Variants in RMC1 observed in about 807,000 individuals in gnomAD.
The protein encoded by RMC1 is regulator of MON1-CCZ1 complex.
RMC1 carries 44 observed loss-of-function variants against 95.5 expected under a neutral mutation model. The observed-to-expected ratio is 0.46, with a 90% confidence interval of 0.36 to 0.59. The LOEUF (loss-of-function observed/expected upper bound fraction) is 0.59, where lower values mean the gene tolerates loss of function less well. Among genes scored for constraint, RMC1 ranks in the 20% least tolerant of loss-of-function variants. RMC1 has a pLI of 0.00. For missense variants in RMC1, 705 were observed against 819.6 expected (o/e 0.86, Z 1.71); for synonymous variants, 320 against 303.6 (o/e 1.05, Z -0.56).
intron 4 of RMC1, 25 bp from the exon 5 acceptor site, chr18:23,509,168 A>G: frequency 9.5e-7 from 1 of 1,052,250 alleles, no homozygotes; most frequent in Non-Finnish European, 1.3e-6. Flanking sequence ...ATTAATTAAA[A>G]ATATTTTTAA....
chr18:23,526,434 A>G (rs2058299740), intron 12 of RMC1, among the ~76,000 whole-genome samples: 1 of 152,144 alleles, frequency 6.6e-6, no homozygotes, highest in Admixed American at 6.5e-5. Flanking sequence ...TTGGGCTGTC[A>G]TCCTCCTGTG....
intron 10 of RMC1, among the ~76,000 whole-genome samples, chr18:23,520,663 C>G (rs747065092): frequency 6.6e-6 from 1 of 151,310 alleles, no homozygotes; most frequent in Non-Finnish European, 1.5e-5. Context: ...TTTGACAGAG[C>G]CTCACTTTGT....
At chr18:23,524,325 T>C (rs2058231264) in intron 11 of RMC1, 104 bp from the exon 12 acceptor site, 8 of 1,493,638 alleles carry the variant, frequency 5.4e-6, no homozygotes, top group Non-Finnish European at 7.5e-6. Flanking sequence ...GCCTCGCGTT[T>C]AGCGTGGACT....
Position 23,531,683 on chromosome 18 carries a change from A to C in RMC1, c.1953A>C (p.Leu651=). Residue 651 remains leucine, a synonymous_variant, in exon 20 of 20, where the codon CTA becomes CTC. Transcript: ENST00000269221. ...FFKQIFGDQA[L]MRPTTF ...AACAGATTTTTGGAGACCAAGCTCT[A>C]ATGAGGCCTACAACATTCTGAAATC... is the stretch of plus-strand genomic sequence containing the variant. 6.2e-7 allele frequency: 1 copy of C among 1,613,282 alleles called. No individual in the cohort carries two copies. Among genetic ancestry groups the C allele is most frequent in the Non-Finnish European group, 8.5e-7 (1 of 1,179,860 alleles).
intron 19 of RMC1, among the ~76,000 whole-genome samples, chr18:23,531,281 A>C (rs2058495319): frequency 6.6e-6 from 1 of 152,078 alleles, no homozygotes; most frequent in Non-Finnish European, 1.5e-5. Context: ...GAGCCACCGC[A>C]CCTGGCCCTG....
intron 10 of RMC1, 124 bp from the exon 11 acceptor site, chr18:23,524,006 C>T (rs1315253394): frequency 2.8e-6 from 3 of 1,090,620 alleles, no homozygotes; most frequent in East Asian, 4.8e-5. Flanking sequence ...TCATTTCTTC[C>T]TTGACTACAA....
intron 18 of RMC1, 44 bp downstream of exon 18, chr18:23,530,341 G>A (rs780658292): frequency 6.2e-7 from 1 of 1,613,992 alleles, no homozygotes; most frequent in Non-Finnish European, 8.5e-7. Flanking sequence ...AACTAACTCT[G>A]TTCCTGTTGT....
At chr18:23,516,140 C>G in intron 6 of RMC1, 144 bp downstream of exon 6, 1 of 1,360,136 alleles carries the variant, frequency 7.4e-7, no homozygotes, top group Non-Finnish European at 1.0e-6. Context: ...CTCTGTATAC[C>G]CGTCAGCTCC....
intron 10 of RMC1, among the ~76,000 whole-genome samples, chr18:23,520,726 G>A (rs1169687839): frequency 6.6e-6 from 1 of 151,976 alleles, no homozygotes; most frequent in Non-Finnish European, 1.5e-5. Context: ...ACCTCCACCT[G>A]TCTGTCACAA....
chr18:23,523,149 C>T (rs899800030), intron 10 of RMC1, among the ~76,000 whole-genome samples: 3 of 152,236 alleles, frequency 2.0e-5, no homozygotes, highest in Admixed American at 6.5e-5. Context: ...CAAAGCTTGT[C>T]TGCCTGGGCT....
intron 13 of RMC1, among the ~76,000 whole-genome samples, chr18:23,527,426 A>T (rs1209851606): frequency 6.6e-6 from 1 of 151,110 alleles, no homozygotes. Flanking sequence ...ATAATCCCCT[A>T]CCAATATGTG....
intron 2 of RMC1, 74 bp downstream of exon 2, chr18:23,504,521 T>C: frequency 7.1e-7 from 1 of 1,405,994 alleles, no homozygotes; most frequent in Admixed American, 1.7e-5. Context: ...AATGGTTTTT[T>C]ATAATTTTGT....
rs374224848 is a variant in RMC1, at chr18:23,523,543, C to CAAAAAA, written c.962-566_962-561dup. Among the ~76,000 whole-genome samples, 58 of 76,356 alleles carry CAAAAAA rather than the reference C, an allele frequency of 7.6e-4. 3 individuals are homozygous for CAAAAAA. Among genetic ancestry groups the CAAAAAA allele is most frequent in the African/African-American group, 2.4e-3 (42 of 17,418 alleles). The allele number at this position is 76,356 out of a possible 152,430, so 50.1% of individuals were successfully genotyped here. A position where few individuals can be genotyped will look rare whatever the true frequency, so the allele number is the denominator to read the frequency against. Reference sequence around the variant, plus strand: ...CTAGGTAACATAGACCTTGTCTTCACAAAAAAAAAAAAAAAAAAAAAAAAA... The same window carrying CAAAAAA: ...CTAGGTAACATAGACCTTGTCTTCACAAAAAAAAAAAAAAAAAAAAAAAAAAAAAAA... On this transcript the variant is annotated intron_variant, in intron 10 of 19. Transcript: ENST00000269221.
chr18:23,509,932 C>G (rs1385172331), intron 5 of RMC1, among the ~76,000 whole-genome samples: 1 of 151,500 alleles, frequency 6.6e-6, no homozygotes, highest in Non-Finnish European at 1.5e-5. Flanking sequence ...AACTCCTAAC[C>G]TCAACTCCTG....
rs1284575340 is a variant in RMC1 at position 23,520,259 on chromosome 18, C to T, written c.907C>T (p.His303Tyr). Reference sequence around the variant, plus strand: ...AGAGTTTGACGGCTCCGTTACCTTCCACCACCCCGTGCTTCCCGCTCGATC... The same window carrying T: ...AGAGTTTGACGGCTCCGTTACCTTCTACCACCCCGTGCTTCCCGCTCGATC... ...RGEFDGSVTF[H>Y]HPVLPARSIQ... Residue 303 changes from histidine to tyrosine, a missense_variant, in exon 10 of 20, where the codon CAC (histidine) becomes TAC (tyrosine). By Grantham distance (83) the His-to-Tyr change is moderately conservative. Transcript: ENST00000269221. 2 of 1,614,006 alleles carry T rather than the reference C, an allele frequency of 1.2e-6. No homozygotes were observed. Among genetic ancestry groups the T allele is most frequent in the African/African-American group, 1.3e-5 (1 of 74,912 alleles).
At chr18:23,518,567 G>A (rs1269209601) in intron 7 of RMC1, among the ~76,000 whole-genome samples, 1 of 152,006 alleles carries the variant, frequency 6.6e-6, no homozygotes, top group Non-Finnish European at 1.5e-5. Flanking sequence ...TACAAAACTT[G>A]GAAAACAGAG....
At chr18:23,503,752 GGCCCTGCC>G in intron 1 of RMC1, 32 bp downstream of exon 1, 1 of 1,571,944 alleles carries the variant, frequency 6.4e-7, no homozygotes, top group Non-Finnish European at 8.6e-7. Context: ...TCCCCCGCGC[GGCCCTGCC>G]GGGGTCGTGG....
At chr18:23,526,882 C>T in intron 13 of RMC1, 117 bp downstream of exon 13, 3 of 1,378,268 alleles carry the variant, frequency 2.2e-6, no homozygotes, top group Non-Finnish European at 2.9e-6. Context: ...CAGCCTCATT[C>T]TTTATGTGAG....
chr18:23,531,154 C>G (rs2058490452), intron 19 of RMC1, among the ~76,000 whole-genome samples: 1 of 152,070 alleles, frequency 6.6e-6, no homozygotes, highest in Non-Finnish European at 1.5e-5. Context: ...CCACACCCGG[C>G]TGATTTTTGT....
Sources: allele counts gnomAD v4.1 joint callset (sites outside exome capture counted in the v4.1 genomes callset), GRCh38; gene constraint gnomAD v4.1.1; transcripts MANE v1.5; gene names NCBI Gene and HGNC (gene_info 2026-07-23, HGNC 2026-07-21).